ANKRD28: variants seen among roughly 807,000 people sequenced by gnomAD.
ANKRD28 encodes serine/threonine-protein phosphatase 6 regulatory ankyrin repeat subunit A.
In ANKRD28, 44 loss-of-function variants were observed where a neutral mutation model predicts 126.5. The ratio of observed to expected loss-of-function variants is 0.35; its 90% CI spans 0.27 to 0.45. The LOEUF (loss-of-function observed/expected upper bound fraction) is 0.45. Ranked by LOEUF, ANKRD28 falls within the 20% of genes least tolerant of loss-of-function variation. ANKRD28 has a pLI of 1.00. For missense variants in ANKRD28, 1,110 were observed against 1,316.6 expected (o/e 0.84, Z 2.43); for synonymous variants, 442 against 468.5 (o/e 0.94, Z 0.73).
chr3:15,696,588 T>G (rs1394333025), intron 14 of ANKRD28, among the ~76,000 whole-genome samples: 1 of 152,066 alleles, frequency 6.6e-6, no homozygotes, highest in African/African-American at 2.4e-5. Flanking sequence ...CTTTTCGTGG[T>G]GGTGAGTACA....
chr3:15,720,953 C>G lies in ANKRD28; in HGVS notation c.958G>C (p.Glu320Gln). Residue 320 changes from glutamate to glutamine, a missense_variant, in exon 8 of 28, where the codon GAG (glutamate) becomes CAG (glutamine). Glu to Gln is a conservative substitution (Grantham distance 29). Transcript: ENST00000683139. ...TCGGCCCCATTGCCAACTAGAAGCT[C>G]TAAACACAATGCTCCATGTGTTGAT... ...AASTHGALCL[E>Q]LLVGNGADVN... is the part of the protein sequence containing the mutation. 1.2e-6 allele frequency: 2 copies of G among 1,613,870 alleles called. No homozygotes were observed. Among genetic ancestry groups the G allele is most frequent in the Non-Finnish European group, 1.7e-6 (2 of 1,179,836 alleles).
intron 4 of ANKRD28, among the ~76,000 whole-genome samples, chr3:15,749,097 T>TTG (rs1559466327): frequency 3.0e-5 from 1 of 33,832 alleles, no homozygotes; most frequent in African/African-American, 6.1e-5. Context: ...TATATTATGT[T>TTG]TTTGTTTTTT....
At position 15,796,611 on chromosome 3, in the gene ANKRD28, A is replaced by G. The variant is rs901966366; in HGVS notation, c.-90T>C. On this transcript the variant is annotated 5_prime_UTR_variant, in exon 1 of 28. Transcript: ENST00000683139. The stretch of plus-strand genomic sequence containing the variant: ...AGTTTTTCCTCCTCTTCTGTACAAC[A>G]CTTACAAACATTCTCTGAACAGCAC... The G allele has an allele frequency of 2.1e-5, 23 of 1,114,440 alleles. No homozygotes were observed. The highest frequency in any genetic ancestry group is 6.7e-5 in the African/African-American group (4 of 60,134). 69.0% of individuals were successfully genotyped at this position (1,114,440 alleles called of 1,614,324 possible).
chr3:15,832,363 A>C lies in ANKRD28; in HGVS notation c.27+27014T>G, dbSNP rs568615521. Among the ~76,000 whole-genome samples, 28 of 152,302 alleles carry C rather than the reference A, an allele frequency of 1.8e-4. No homozygotes were observed. In the East Asian group the frequency reaches 5.4e-3, roughly 29 times the overall value. On this transcript the variant is annotated intron_variant, in intron 1 of 27. Coordinates refer to the ANKRD28 transcript ENST00000399451. ...AAATTCCTTATGTGTAGGGGTGCTG[A>C]GCAAAAGTGTCTCTCCCTACTCTTT...
chr3:15,783,148 C>T (rs1177730342), intron 2 of ANKRD28, among the ~76,000 whole-genome samples: 1 of 151,234 alleles, frequency 6.6e-6, no homozygotes, highest in Non-Finnish European at 1.5e-5. Context: ...GAAAATACAG[C>T]CACAGATCGA....
chr3:15,676,983 G>T lies in ANKRD28; in HGVS notation c.2864C>A (p.Ala955Asp). 2.5e-6 allele frequency: 4 copies of T among 1,611,242 alleles called. No homozygotes were observed. Among genetic ancestry groups the T allele is most frequent in the Non-Finnish European group, 2.5e-6 (3 of 1,178,780 alleles). ...TACTGACAGTACTCACGTTTGCAAG[G>T]CTGCGTTGGTTGCATTGATGAGGTT... ...DRNLINATNA[A>D]LQTPLHVAAR... The change falls in exon 26 of 28, where the codon GCC (alanine) becomes GAC (aspartate). Residue 955 changes from alanine (A) to aspartate (D), a missense_variant. Transcript: ENST00000683139.
intron 1 of ANKRD28, among the ~76,000 whole-genome samples, chr3:15,831,497 C>A (rs1171601049): frequency 6.6e-6 from 1 of 152,110 alleles, no homozygotes; most frequent in East Asian, 1.9e-4. Context: ...CCAATAGGTG[C>A]CAATAGTATC....
At chr3:15,760,154 AC>A (rs1406572348) in intron 3 of ANKRD28, among the ~76,000 whole-genome samples, 2 of 152,150 alleles carry the variant, frequency 1.3e-5, no homozygotes, top group Non-Finnish European at 2.9e-5. Flanking sequence ...GAACATATGG[AC>A]ACACAGAGGG....
chr3:15,691,628 C>T lies in ANKRD28; in HGVS notation c.1762-1408G>A, dbSNP rs1032968705. 2.2e-4 allele frequency among the ~76,000 whole-genome samples: 34 copies of T among 152,258 alleles called. 5 individuals carry two copies. The highest frequency in any genetic ancestry group is 9.8e-4 in the Admixed American group (15 of 15,296). ...CAGCAAGAGATAAACTTGCTCTGGG[C>T]CTCACTGATCTCTTTATAATGAATC... On this transcript the variant is annotated intron_variant, in intron 17 of 27. Coordinates refer to ENST00000683139, the MANE Select transcript of ANKRD28 (RefSeq NM_001349278.2).
Position 15,859,318 on chromosome 3 carries a change from C to G in ANKRD28, c.27+59G>C, listed in dbSNP as rs374772296. The G allele has an allele frequency of 1.4e-4, 206 of 1,512,532 alleles. No homozygotes were observed. In the African/African-American group the frequency reaches 2.7e-3, roughly 20 times the overall value. The allele number at this position is 1,512,532 out of a possible 1,614,324, so 93.7% of individuals were successfully genotyped here. Reference sequence around the variant, plus strand: ...CGTCCCAGCGGCCCACACCGCCGGTCCGCCCTGCTTCCCTTCCTTCCCGGA... The same window carrying G: ...CGTCCCAGCGGCCCACACCGCCGGTGCGCCCTGCTTCCCTTCCTTCCCGGA... On this transcript the variant is annotated intron_variant, in intron 1 of 27. Coordinates refer to the ANKRD28 transcript ENST00000399451.
intron 3 of ANKRD28, 64 bp from the exon 4 acceptor site, chr3:15,751,884 G>T: frequency 1.8e-6 from 2 of 1,105,888 alleles, no homozygotes; most frequent in South Asian, 1.5e-5. Context: ...TAAATCTCCT[G>T]AAATAGTAGT....
intron 1 of ANKRD28, among the ~76,000 whole-genome samples, chr3:15,822,351 C>T (rs1479672264): frequency 6.6e-6 from 1 of 152,122 alleles, no homozygotes. Flanking sequence ...CAAATTATAG[C>T]CGATTGCCAA....
At chr3:15,676,012 TGTACACATATGTGCATGTGCATGCAC>T (rs1475460552) in intron 26 of ANKRD28, 23 bp from the exon 27 acceptor site, 6 of 1,589,638 alleles carry the variant, frequency 3.8e-6, no homozygotes, top group Admixed American at 1.7e-5. Flanking sequence ...ACATGATACA[TGTACACATATGTGCATGTGCATGCAC>T]ATACACATAC....
chr3:15,845,857 A>T lies in ANKRD28; in HGVS notation c.27+13520T>A, dbSNP rs1184945409. 6.6e-6 allele frequency among the ~76,000 whole-genome samples: 1 copy of T among 152,168 alleles called. No homozygotes were observed. The highest frequency in any genetic ancestry group is 2.4e-5 in the African/African-American group (1 of 41,446). ...CAGGAGGTAGGGGTATGTGCCACAC[A>T]CTTTAAACCATTGCATCTCGTGAAA... On this transcript the variant is annotated intron_variant, in intron 1 of 27. Transcript: ENST00000399451. The surrounding 1 kb of genome is among the most constrained non-coding windows in gnomAD (Gnocchi z 4.9).
rs373518875 is a variant in ANKRD28 at position 15,815,963 on chromosome 3, T to C, written c.28-20657A>G. 1.1e-3 allele frequency among the ~76,000 whole-genome samples: 166 copies of C among 152,312 alleles called. No homozygotes were observed. Among genetic ancestry groups the C allele is most frequent in the African/African-American group, 3.9e-3 (163 of 41,574 alleles). ...AAAAGTTAATGTCTTCCCTGAGTCA[T>C]GTATTTTAAACAAAGGTTTCAAATA... On this transcript the variant is annotated intron_variant, in intron 1 of 27. Coordinates refer to the ANKRD28 transcript ENST00000399451. The surrounding 1 kb of genome is among the most constrained non-coding windows in gnomAD (Gnocchi z 4.1).
At chr3:15,721,601 A>T (rs184457463) in intron 7 of ANKRD28, among the ~76,000 whole-genome samples, 20 of 152,362 alleles carry the variant, frequency 1.3e-4, no homozygotes, top group Admixed American at 9.8e-4. Context: ...ATTTAAAAAA[A>T]AATGAACGGC....
intron 2 of ANKRD28, among the ~76,000 whole-genome samples, chr3:15,794,515 T>C (rs1180310419): frequency 6.6e-6 from 1 of 152,206 alleles, no homozygotes; most frequent in Non-Finnish European, 1.5e-5. Flanking sequence ...CATTAGTGGA[T>C]GTAATTTTGT....
chr3:15,766,337 A>T (rs1470787339), intron 2 of ANKRD28, 25 bp from the exon 3 acceptor site: 2 of 1,551,648 alleles, frequency 1.3e-6, no homozygotes, highest in Non-Finnish European at 1.8e-6. Context: ...AAAGGTGGGA[A>T]ATAAGTTTTA....
chr3:15,798,646 GA>G (rs966949315), upstream of ANKRD28, among the ~76,000 whole-genome samples: 124 of 148,974 alleles, frequency 8.3e-4, no homozygotes, highest in African/African-American at 2.9e-3. Context: ...AGAGGTACAT[GA>G]AAAAAAAAAT....
Sources: allele counts gnomAD v4.1 joint callset (sites outside exome capture counted in the v4.1 genomes callset), GRCh38; gene constraint gnomAD v4.1.1; non-coding constraint Gnocchi (gnomAD v3.1); transcripts MANE v1.5; gene names NCBI Gene and HGNC (gene_info 2026-07-23, HGNC 2026-07-21).